The following FNIP1 variants were observed in gnomAD, a reference collection of about 807,000 sequenced individuals.
FNIP1 encodes folliculin-interacting protein 1.
A neutral mutation model predicts 124.5 loss-of-function variants in FNIP1; 40 were observed. The observed-to-expected ratio is 0.32, with a 90% CI of 0.25 to 0.42. FNIP1 has a LOEUF of 0.42. Among genes scored for constraint, FNIP1 ranks in the 10% least tolerant of loss-of-function variants. The pLI is 1.00. For synonymous variants in FNIP1, 472 were observed against 470.6 expected, an observed-to-expected ratio of 1.00 and a Z score of -0.04; for missense variants, 1,176 against 1,403.7, an observed-to-expected ratio of 0.84 and a Z score of 2.59.
At chr5:131,666,793 G>A (rs1019882873) in intron 15 of FNIP1, among the ~76,000 whole-genome samples, 2 of 152,056 alleles carry the variant, frequency 1.3e-5, no homozygotes, top group Admixed American at 6.5e-5. Flanking sequence ...AAATCAAAAT[G>A]TTGTCTTTAT....
At chr5:131,769,712 T>C (rs1444377569) in intron 1 of FNIP1, among the ~76,000 whole-genome samples, 7 of 152,234 alleles carry the variant, frequency 4.6e-5, no homozygotes, top group Non-Finnish European at 8.8e-5. Context: ...AAAATCTGTT[T>C]TTGCAAAAGG....
chr5:131,746,483 G>A lies in FNIP1; in HGVS notation c.93-1793C>T, dbSNP rs1202792879. Among the ~76,000 whole-genome samples the A allele has an allele frequency of 3.3e-5, 5 of 152,246 alleles. No homozygotes were observed. In the South Asian group the frequency reaches 1.0e-3, roughly 32 times the overall value. ...ATTGTTGCCATCCTTATGTCCATGA[G>A]TATCCAATGTTTAGCTCCCACTTAT... On this transcript the variant is annotated intron_variant, in intron 1 of 17. Coordinates refer to ENST00000510461, the MANE Select transcript of FNIP1 (RefSeq NM_133372.3).
At chr5:131,703,815 G>A (rs971090384) in intron 10 of FNIP1, among the ~76,000 whole-genome samples, 1 of 151,900 alleles carries the variant, frequency 6.6e-6, no homozygotes, top group African/African-American at 2.4e-5. Flanking sequence ...CTCTTTAGTT[G>A]GTAGAACGGT....
rs755121685 is a variant in FNIP1, at chr5:131,672,757, C to T, written c.1687G>A (p.Val563Ile). The T allele has an allele frequency of 2.5e-6, 4 of 1,613,612 alleles. No individual in the cohort carries two copies. The highest frequency in any genetic ancestry group is 1.3e-5 in the African/African-American group (1 of 74,966). Residue 563 changes from valine (V) to isoleucine (I), a missense_variant, in exon 14 of 18, where the codon GTT becomes ATT. Physicochemically the swap from Val to Ile is conservative, Grantham distance 29. Transcript: ENST00000510461. ...GTAGTAATTACTGTGCCTGGCATAA[C>T]GATGGCTTCATCTTCTCCATTTTCT... ...LLENGEDEAI[V>I]MPGTVITTTL...
intron 15 of FNIP1, among the ~76,000 whole-genome samples, chr5:131,663,332 C>T (rs1391258913): frequency 6.6e-6 from 1 of 152,166 alleles, no homozygotes; most frequent in Admixed American, 6.5e-5. Flanking sequence ...CCTTCAAAAG[C>T]TTCTCAGTCA....
At chr5:131,718,162 C>T (rs150716974) in intron 5 of FNIP1, among the ~76,000 whole-genome samples, 1 of 150,774 alleles carries the variant, frequency 6.6e-6, no homozygotes, top group Non-Finnish European at 1.5e-5. Context: ...TGCACTCCAC[C>T]GTGGTGACAC....
In FNIP1 at chr5:131,712,971, GATT is replaced by G. The variant is rs1252261390; in HGVS notation, c.623-2313_623-2311del. ...TTACCTTATAGCAGTAATTGATGCT[GATT>G]ATATTACACTGTAAACTTTTTTCCC... On this transcript the variant is annotated intron_variant, in intron 6 of 17. Transcript: ENST00000510461. 3.9e-5 allele frequency among the ~76,000 whole-genome samples: 6 copies of G among 152,102 alleles called. No homozygotes were observed. In the East Asian group the frequency reaches 1.2e-3, roughly 29 times the overall value.
intron 1 of FNIP1, among the ~76,000 whole-genome samples, chr5:131,750,059 T>C (rs545971392): frequency 3.6e-4 from 55 of 152,304 alleles, no homozygotes; most frequent in African/African-American, 1.3e-3. Context: ...ACTAGGACGA[T>C]GTACTGGCTG....
chr5:131,725,079 T>C (rs1769814818), intron 3 of FNIP1, among the ~76,000 whole-genome samples: 1 of 152,198 alleles, frequency 6.6e-6, no homozygotes, highest in Non-Finnish European at 1.5e-5. Context: ...TTGGTACCAG[T>C]ACCATGCTGT....
intron 1 of FNIP1, among the ~76,000 whole-genome samples, chr5:131,746,378 G>C (rs1221136548): frequency 2.0e-5 from 3 of 152,150 alleles, no homozygotes; most frequent in East Asian, 1.9e-4. Context: ...CACCCAGAGA[G>C]AGAGCATACA....
intron 1 of FNIP1, among the ~76,000 whole-genome samples, chr5:131,766,397 T>A (rs1245597271): frequency 1.3e-5 from 2 of 152,074 alleles, no homozygotes; most frequent in East Asian, 1.9e-4. Flanking sequence ...ACTTCTCCAA[T>A]CCAAATGTTT....
chr5:131,653,939 A>G (rs1329500270), intron 15 of FNIP1, among the ~76,000 whole-genome samples: 1 of 152,126 alleles, frequency 6.6e-6, no homozygotes, highest in African/African-American at 2.4e-5. Flanking sequence ...ACAGGGTTTC[A>G]CCATGTAGGT....
chr5:131,696,969 C>G (rs543323012), intron 11 of FNIP1, among the ~76,000 whole-genome samples: 139 of 152,200 alleles, frequency 9.1e-4, no homozygotes, highest in Non-Finnish European at 1.4e-3. Flanking sequence ...TAAACTTCTT[C>G]AATTTAAATC....
At chr5:131,796,800 C>A (rs748881785) in intron 1 of FNIP1, 30 bp downstream of exon 1, 5 of 1,552,250 alleles carry the variant, frequency 3.2e-6, no homozygotes, top group African/African-American at 2.7e-5. Flanking sequence ...AGGCCATCGG[C>A]TCCGCGACCC....
intron 3 of FNIP1, among the ~76,000 whole-genome samples, chr5:131,720,920 C>A (rs937278079): frequency 1.3e-5 from 2 of 152,134 alleles, no homozygotes; most frequent in African/African-American, 4.8e-5. Flanking sequence ...AACAACATGG[C>A]AAGTCCTCCA....
Position 131,672,135 on chromosome 5 carries a change from T to A in FNIP1, c.2309A>T (p.Gln770Leu). ...TCTGGTAATCTGATCCACCACTGCC[T>A]GACTTCGAAGCTCAGTATCTGAATC... ...SPDSDTELRS[Q>L]AVVDQITRHH... Residue 770 changes from glutamine to leucine, a missense_variant, in exon 14 of 18, where the codon CAG becomes CTG. This residue lies in a region of FNIP1 where 1,109 missense variants were observed against 1,288.5 expected (regional missense o/e 0.86). Coordinates refer to ENST00000510461, the MANE Select transcript of FNIP1 (RefSeq NM_133372.3). The A allele has an allele frequency of 6.2e-7, 1 of 1,614,212 alleles. No homozygotes were observed. The highest frequency in any genetic ancestry group is 8.5e-7 in the Non-Finnish European group (1 of 1,180,032).
In FNIP1 at chr5:131,643,112, A is replaced by C. The variant is rs916803988; in HGVS notation, c.*1573T>G. The C allele has an allele frequency of 2.0e-5, 3 of 152,346 alleles. No homozygotes were observed. Among genetic ancestry groups the C allele is most frequent in the Admixed American group, 6.5e-5 (1 of 15,276 alleles). The allele number at this position is 152,346 out of a possible 1,614,324, so 9.4% of individuals were successfully genotyped here. On this transcript the variant is annotated 3_prime_UTR_variant, in exon 18 of 18. Coordinates refer to ENST00000510461, the MANE Select transcript of FNIP1 (RefSeq NM_133372.3). Reference sequence around the variant, plus strand: ...CTAGGTAAAAGGTCATGGGCCAAACAGATTGCAGACACACCAATTTCAGGT... The same window carrying C: ...CTAGGTAAAAGGTCATGGGCCAAACCGATTGCAGACACACCAATTTCAGGT...
At chr5:131,794,423 TAAACAC>T (rs1375759802) in intron 1 of FNIP1, among the ~76,000 whole-genome samples, 1 of 152,014 alleles carries the variant, frequency 6.6e-6, no homozygotes, top group Non-Finnish European at 1.5e-5. Flanking sequence ...TTTTTAAAGT[TAAACAC>T]AACATTTAGC....
chr5:131,714,387 T>C (rs565575829), intron 6 of FNIP1, among the ~76,000 whole-genome samples: 7 of 152,222 alleles, frequency 4.6e-5, no homozygotes, highest in African/African-American at 1.2e-4. Flanking sequence ...CCTAATACAA[T>C]TGTTGCATGT....
Sources: allele counts gnomAD v4.1 joint callset (sites outside exome capture counted in the v4.1 genomes callset), GRCh38; gene constraint gnomAD v4.1.1; regional missense constraint gnomAD v4.1.1; transcripts MANE v1.5; gene names NCBI Gene and HGNC (gene_info 2026-07-23, HGNC 2026-07-21).